SLC22A23: variants seen among roughly 807,000 people sequenced by gnomAD.
The protein encoded by SLC22A23 is solute carrier family 22 member 23.
Under a neutral mutation model 61.0 loss-of-function variants are expected in SLC22A23, and 26 were observed. That is an observed-to-expected ratio of 0.43 (90% CI 0.31 to 0.59). SLC22A23 has a LOEUF of 0.59. SLC22A23 is among the 20% of genes least tolerant of loss of function. SLC22A23 has a pLI of 0.11. For missense variants in SLC22A23, 796 were observed against 934.7 expected (o/e 0.85, Z 1.94); for synonymous variants, 430 against 413.9 (o/e 1.04, Z -0.47).
intron 9 of SLC22A23, among the ~76,000 whole-genome samples, chr6:3,279,609 TTTTCTCTCTTGAAATCTCAGAGAAAG>T (rs1286143198): frequency 6.6e-6 from 1 of 151,608 alleles, no homozygotes; most frequent in African/African-American, 2.4e-5. Context: ...CTTTGTTTTT[TTTTCTCTCTTGAAATCTCAGAGAAAG>T]AGATTGTTAC....
rs1279398376 is a variant in SLC22A23 at position 3,324,454 on chromosome 6, C to G, written c.914-452G>C. On this transcript the variant is annotated intron_variant, in intron 3 of 9. Transcript: ENST00000406686. This position sits in a 1 kb window ranked among gnomAD's most constrained non-coding sequence, Gnocchi z 4.3. ...CCTCTAGACAGGACACCAGGCATGC[C>G]CATATACTCACTCCTACCCATATGC... 1.3e-5 allele frequency among the ~76,000 whole-genome samples: 2 copies of G among 152,088 alleles called. No homozygotes were observed. The highest frequency in any genetic ancestry group is 2.9e-5 in the Non-Finnish European group (2 of 68,018).
In SLC22A23 at chr6:3,304,983, GAC is replaced by G. The variant is rs1413275504; in HGVS notation, c.1083-6767_1083-6766del. 6.6e-6 allele frequency among the ~76,000 whole-genome samples: 1 copy of G among 152,038 alleles called. No homozygotes were observed. Among genetic ancestry groups the G allele is most frequent in the East Asian group, 1.9e-4 (1 of 5,188 alleles). On this transcript the variant is annotated intron_variant, in intron 4 of 9. Coordinates refer to ENST00000406686, the MANE Select transcript of SLC22A23 (RefSeq NM_015482.2). The surrounding 1 kb of genome is among the most constrained non-coding windows in gnomAD (Gnocchi z 4.3). ...CGGGACTGGAGTGAACTGAAGTAAA[GAC>G]AGCACTCCCCAGGAGATCTGGGCGC...
At position 3,329,640 on chromosome 6, in the gene SLC22A23, T is replaced by C. The variant is rs938855801; in HGVS notation, c.914-5638A>G. On this transcript the variant is annotated intron_variant, in intron 3 of 9. Transcript: ENST00000406686. The surrounding 1 kb of genome is among the most constrained non-coding windows in gnomAD (Gnocchi z 4.8). ...TGAAGTTACTCAGCCGCTCTGAGCC[T>C]GTGTCCTTGCAGCCAAGGTAGGTAA... 2.0e-5 allele frequency among the ~76,000 whole-genome samples: 3 copies of C among 152,230 alleles called. No individual in the cohort carries two copies. Among genetic ancestry groups the C allele is most frequent in the African/African-American group, 7.2e-5 (3 of 41,462 alleles).
In SLC22A23 at chr6:3,456,624, G is replaced by T; in HGVS notation, c.-65C>A. 6 of 951,178 alleles carry T rather than the reference G, an allele frequency of 6.3e-6. No individual in the cohort carries two copies. Among genetic ancestry groups the T allele is most frequent in the Non-Finnish European group, 7.5e-6 (6 of 801,544 alleles). The allele number at this position is 951,178 out of a possible 1,614,324, so 58.9% of individuals were successfully genotyped here. A position where few individuals can be genotyped will look rare whatever the true frequency, so the allele number is the denominator to read the frequency against. ...GGCGGAGGCTCCGCGGGCGCCCCGG[G>T]CACAGCGCGCCGGGCCAGGCGCCTG... On this transcript the variant is annotated 5_prime_UTR_variant, in exon 1 of 10. Coordinates refer to ENST00000406686, the MANE Select transcript of SLC22A23 (RefSeq NM_015482.2). This position sits in a 1 kb window ranked among gnomAD's most constrained non-coding sequence, Gnocchi z 7.1.
intron 2 of SLC22A23, among the ~76,000 whole-genome samples, 153 bp downstream of exon 2, chr6:3,415,599 C>T (rs114487290): frequency 4.6e-5 from 7 of 152,308 alleles, no homozygotes; most frequent in African/African-American, 1.2e-4. Context: ...GCCATTTCTC[C>T]GAGCTCTGCA....
chr6:3,306,280 C>A (rs1177475057), intron 4 of SLC22A23, among the ~76,000 whole-genome samples: 4 of 152,296 alleles, frequency 2.6e-5, no homozygotes, highest in South Asian at 2.1e-4. Context: ...TCCCACCAGG[C>A]CCTACCTCCA....
chr6:3,284,212 G>A (rs1759753843), intron 8 of SLC22A23: 1 of 413,928 alleles, frequency 2.4e-6, no homozygotes, highest in Non-Finnish European at 4.5e-6. Context: ...GAAGCTCATG[G>A]TGGCCTCTAT....
At chr6:3,377,337 G>T (rs889248917) in intron 3 of SLC22A23, among the ~76,000 whole-genome samples, 1 of 152,138 alleles carries the variant, frequency 6.6e-6, no homozygotes, top group African/African-American at 2.4e-5. Flanking sequence ...GGGCATTGCT[G>T]CTGATTACTG....
intron 9 of SLC22A23, among the ~76,000 whole-genome samples, chr6:3,277,296 G>C (rs1758998755): frequency 6.6e-6 from 1 of 151,978 alleles, no homozygotes; most frequent in Non-Finnish European, 1.5e-5. Flanking sequence ...CCTCCACCCT[G>C]GCCTTCCTCT....
At position 3,330,965 on chromosome 6, in the gene SLC22A23, A is replaced by G. The variant is rs1763549673; in HGVS notation, c.914-6963T>C. Among the ~76,000 whole-genome samples the G allele has an allele frequency of 6.6e-6, 1 of 152,240 alleles. No homozygotes were observed. Among genetic ancestry groups the G allele is most frequent in the Non-Finnish European group, 1.5e-5 (1 of 68,034 alleles). ...ATTAACTACCAATTGAATACCTATC[A>G]TGTCTGCACTACTAGGCGAAGTAAC... On this transcript the variant is annotated intron_variant, in intron 3 of 9. Transcript: ENST00000406686. The surrounding 1 kb of genome is among the most constrained non-coding windows in gnomAD (Gnocchi z 4.7).
chr6:3,422,977 G>A (rs754414106), intron 1 of SLC22A23, among the ~76,000 whole-genome samples: 7 of 152,002 alleles, frequency 4.6e-5, no homozygotes, highest in Admixed American at 1.3e-4. Flanking sequence ...TAAACTTCAC[G>A]TAGTCCCATT....
rs2127480342 is a variant in SLC22A23, at chr6:3,386,131, C to T, written c.913+24057G>A. 6.6e-6 allele frequency among the ~76,000 whole-genome samples: 1 copy of T among 152,290 alleles called. No individual in the cohort carries two copies. Among genetic ancestry groups the T allele is most frequent in the Non-Finnish European group, 1.5e-5 (1 of 68,016 alleles). ...TCGGCTTGAAGAACTCACACCTTTC[C>T]ACACCCCTCCCGGGTGTCTCATTAC... On this transcript the variant is annotated intron_variant, in intron 3 of 9. Coordinates refer to ENST00000406686, the MANE Select transcript of SLC22A23 (RefSeq NM_015482.2). This position sits in a 1 kb window ranked among gnomAD's most constrained non-coding sequence, Gnocchi z 4.4.
chr6:3,396,410 A>G (rs1472631490), intron 3 of SLC22A23, among the ~76,000 whole-genome samples: 5 of 152,070 alleles, frequency 3.3e-5, no homozygotes, highest in Non-Finnish European at 1.5e-5. Flanking sequence ...AAAATACAAA[A>G]ATTAGCTGGG....
In SLC22A23 at chr6:3,285,849, G is replaced by A. The variant is rs185468351; in HGVS notation, c.1547-738C>T. Among the ~76,000 whole-genome samples, 10 of 152,266 alleles carry A rather than the reference G, an allele frequency of 6.6e-5. No individual in the cohort carries two copies. The South Asian group carries it at 8.3e-4, about 13-fold the overall frequency. On this transcript the variant is annotated intron_variant, in intron 7 of 9. Transcript: ENST00000406686. ...CCCTGGCGTCTAGTTCTGAGAGCCC[G>A]GGTTCATTTTCCTTGTAAAGGCAGG...
Position 3,414,619 on chromosome 6 carries a change from G to A in SLC22A23, c.758+1133C>T, listed in dbSNP as rs1196746532. Among the ~76,000 whole-genome samples, 4 of 147,644 alleles carry A rather than the reference G, an allele frequency of 2.7e-5. No homozygotes were observed. The highest frequency in any genetic ancestry group is 1.0e-4 in the African/African-American group (4 of 39,812). ...TCCGCCCAGGCACTTGCCTTGGCCA[G>A]CATTCTCAGTTAACTGAGGTGCAGA... On this transcript the variant is annotated intron_variant, in intron 2 of 9. Transcript: ENST00000406686. This position sits in a 1 kb window ranked among gnomAD's most constrained non-coding sequence, Gnocchi z 5.1.
intron 9 of SLC22A23, among the ~76,000 whole-genome samples, chr6:3,276,164 C>G (rs1306938345): frequency 1.3e-5 from 2 of 151,886 alleles, no homozygotes; most frequent in Admixed American, 6.5e-5. Flanking sequence ...TAAGAGAAGA[C>G]ACTTTGCTCT....
rs1764786015 is a variant in SLC22A23 at position 3,351,802 on chromosome 6, G to A, written c.914-27800C>T. On this transcript the variant is annotated intron_variant, in intron 3 of 9. Coordinates refer to ENST00000406686, the MANE Select transcript of SLC22A23 (RefSeq NM_015482.2). ...GACTTGCTACTTCATTCAGGACTGAGCCAGGAAACCCAGGTTTCTAATGCA... is the reference window on the plus strand; with the variant it reads ...GACTTGCTACTTCATTCAGGACTGAACCAGGAAACCCAGGTTTCTAATGCA... 3.9e-5 allele frequency among the ~76,000 whole-genome samples: 6 copies of A among 152,304 alleles called. No homozygotes were observed. The South Asian group carries it at 1.2e-3, about 32-fold the overall frequency.
At chr6:3,315,157 G>C (rs1762565886) in intron 4 of SLC22A23, among the ~76,000 whole-genome samples, 1 of 86,576 alleles carries the variant, frequency 1.2e-5, no homozygotes, top group African/African-American at 3.9e-5. Flanking sequence ...AAAAGTCTTG[G>C]GGAAAAGTGC....
chr6:3,301,267 T>A (rs370125708), intron 4 of SLC22A23, among the ~76,000 whole-genome samples: 1 of 152,142 alleles, frequency 6.6e-6, no homozygotes, highest in Non-Finnish European at 1.5e-5. Flanking sequence ...AGGATAGACA[T>A]AGAGGTCATT....
Sources: allele counts gnomAD v4.1 joint callset (sites outside exome capture counted in the v4.1 genomes callset), GRCh38; gene constraint gnomAD v4.1.1; non-coding constraint Gnocchi (gnomAD v3.1); transcripts MANE v1.5; gene names NCBI Gene and HGNC (gene_info 2026-07-23, HGNC 2026-07-21).